ANO10: variants seen among roughly 807,000 people sequenced by gnomAD.
ANO10 encodes anoctamin 10.
A neutral mutation model predicts 74.7 loss-of-function variants in ANO10; 77 were observed. The observed-to-expected ratio is 1.03, with a 90% CI of 0.86 to 1.25. The LOEUF is 1.25. Among genes scored for constraint, ANO10 ranks in the 50% most tolerant of loss-of-function variants. The pLI is 0.00. For synonymous variants in ANO10, 279 were observed against 284.9 expected (o/e 0.98, Z 0.21); for missense variants, 721 against 778.1 (o/e 0.93, Z 0.87).
intron 2 of ANO10, among the ~76,000 whole-genome samples, chr3:43,603,057 CAT>C (rs1394141161): frequency 2.0e-5 from 3 of 152,200 alleles, no homozygotes; most frequent in Non-Finnish European, 2.9e-5. Context: ...ATTATGACTA[CAT>C]GTTATTTAGA....
At chr3:43,432,960 T>TTTTTTTTTTTTTTTTA in intron 11 of ANO10, among the ~76,000 whole-genome samples, 1 of 135,130 alleles carries the variant, frequency 7.4e-6, no homozygotes, top group Non-Finnish European at 1.6e-5. Context: ...TTTTTTTTTT[T>TTTTTTTTTTTTTTTTA]TTTTTTTTTT....
At chr3:43,594,139 T>G (rs2081956098) in intron 4 of ANO10, among the ~76,000 whole-genome samples, 1 of 152,154 alleles carries the variant, frequency 6.6e-6, no homozygotes, top group South Asian at 2.1e-4. Context: ...CAAAGAGACT[T>G]AGACTCCCAC....
intron 3 of ANO10, 74 bp downstream of exon 3, chr3:43,600,310 G>A (rs1278307791): frequency 6.4e-7 from 1 of 1,561,594 alleles, no homozygotes; most frequent in East Asian, 2.2e-5. Flanking sequence ...AAAGTTTGCT[G>A]ATCCCTGATC....
intron 11 of ANO10, among the ~76,000 whole-genome samples, chr3:43,520,133 T>C (rs556610722): frequency 2.0e-5 from 3 of 152,282 alleles, no homozygotes; most frequent in Admixed American, 1.3e-4. Flanking sequence ...TGGAGTTATA[T>C]GTGCCCCTTC....
At chr3:43,655,892 C>G (rs1156961147) in intron 1 of ANO10, among the ~76,000 whole-genome samples, 4 of 99,540 alleles carry the variant, frequency 4.0e-5, no homozygotes, top group Admixed American at 4.0e-4. Context: ...TCCATTGGTG[C>G]ATTCACAAAC....
chr3:43,388,921 T>G (rs1025044768), intron 12 of ANO10, among the ~76,000 whole-genome samples: 5 of 152,250 alleles, frequency 3.3e-5, no homozygotes, highest in African/African-American at 1.2e-4. Flanking sequence ...GTTGCAGCTG[T>G]ACTATATACT....
intron 2 of ANO10, among the ~76,000 whole-genome samples, chr3:43,604,481 A>G (rs2082472377): frequency 6.6e-6 from 1 of 150,998 alleles, no homozygotes; most frequent in African/African-American, 2.4e-5. Context: ...CCTAGCTTCC[A>G]ATTTTTGCTG....
chr3:43,403,882 C>T (rs910810745), intron 12 of ANO10, among the ~76,000 whole-genome samples: 1 of 152,092 alleles, frequency 6.6e-6, no homozygotes, highest in Non-Finnish European at 1.5e-5. Context: ...CTAGGCCCTG[C>T]TCCCCCCACT....
chr3:43,653,884 CACTT>C (rs1352534795), intron 1 of ANO10, among the ~76,000 whole-genome samples: 2 of 151,546 alleles, frequency 1.3e-5, no homozygotes, highest in African/African-American at 4.8e-5. Context: ...TTAAGCCTAA[CACTT>C]AATACATGTC....
At chr3:43,429,215 T>G (rs1449480731) in intron 12 of ANO10, among the ~76,000 whole-genome samples, 1 of 152,164 alleles carries the variant, frequency 6.6e-6, no homozygotes, top group African/African-American at 2.4e-5. Context: ...TGAGACATAC[T>G]AATAATATGT....
intron 11 of ANO10, among the ~76,000 whole-genome samples, chr3:43,434,511 T>A (rs560528385): frequency 6.6e-6 from 1 of 152,286 alleles, no homozygotes; most frequent in South Asian, 2.1e-4. Flanking sequence ...TAAAAATAAA[T>A]CTTCCATGTA....
chr3:43,590,089 T>C (rs2081658015), intron 4 of ANO10, among the ~76,000 whole-genome samples: 1 of 152,180 alleles, frequency 6.6e-6, no homozygotes, highest in Non-Finnish European at 1.5e-5. Context: ...ATTTTTTAAA[T>C]TGACAGAAAC....
intron 7 of ANO10, among the ~76,000 whole-genome samples, chr3:43,572,995 C>CTT (rs553687865): frequency 1.4e-5 from 2 of 141,676 alleles, no homozygotes; most frequent in Admixed American, 7.1e-5. Context: ...TAACCAACGG[C>CTT]TTTTTTTTTT....
chr3:43,627,604 G>A (rs2083504459), intron 1 of ANO10, among the ~76,000 whole-genome samples: 2 of 152,202 alleles, frequency 1.3e-5, no homozygotes, highest in Non-Finnish European at 2.9e-5. Flanking sequence ...CAGGAGGATG[G>A]TTTCCTAACC....
intron 11 of ANO10, among the ~76,000 whole-genome samples, chr3:43,526,665 T>C (rs371080233): frequency 7.2e-5 from 11 of 152,332 alleles, no homozygotes; most frequent in African/African-American, 2.6e-4. Context: ...CTATGTCTTA[T>C]GAATATGTTC....
intron 11 of ANO10, among the ~76,000 whole-genome samples, chr3:43,457,592 G>A (rs561432761): frequency 6.6e-6 from 1 of 152,172 alleles, no homozygotes; most frequent in African/African-American, 2.4e-5. Context: ...AACATGTGGG[G>A]ATCACGGGTC....
At chr3:43,416,357 A>G (rs1384465621) in intron 12 of ANO10, among the ~76,000 whole-genome samples, 1 of 152,244 alleles carries the variant, frequency 6.6e-6, no homozygotes. Flanking sequence ...ACGTTTAGTT[A>G]TACCTCTTGA....
rs540610902 is a variant in ANO10 at position 43,691,360 on chromosome 3, C to T, written c.-12+157G>A. ...CCCCGCGGGCCGGCGACGGAGCTGG[C>T]CGCGGCGGCCGCACCGGCTCGGGCT... is the stretch of plus-strand genomic sequence containing the variant. On this transcript the variant is annotated intron_variant, in intron 1 of 3. Coordinates refer to the ANO10 transcript ENST00000413397. 1,032 of 211,800 alleles carry T rather than the reference C, an allele frequency of 4.9e-3. 4 individuals are homozygous for T. The highest frequency in any genetic ancestry group is 0.013 in the Middle Eastern group (9 of 668). 13.1% of individuals were successfully genotyped at this position (211,800 alleles called of 1,614,324 possible). A position where few individuals can be genotyped will look rare whatever the true frequency, so the allele number is the denominator to read the frequency against.
At chr3:43,523,072 G>C (rs915683195) in intron 11 of ANO10, among the ~76,000 whole-genome samples, 1 of 152,224 alleles carries the variant, frequency 6.6e-6, no homozygotes, top group African/African-American at 2.4e-5. Flanking sequence ...ACACAGGAAA[G>C]AGGTTTATGT....
Sources: allele counts gnomAD v4.1 joint callset (sites outside exome capture counted in the v4.1 genomes callset), GRCh38; gene constraint gnomAD v4.1.1; transcripts MANE v1.5; gene names NCBI Gene and HGNC (gene_info 2026-07-23, HGNC 2026-07-21).